TAFA2: variants seen among roughly 807,000 people sequenced by gnomAD.
TAFA2 encodes TAFA chemokine like family member 2, also known as chemokine-like protein TAFA-2.
Under a neutral mutation model 18.8 loss-of-function variants are expected in TAFA2, and 7 were observed. The observed-to-expected ratio is 0.37, with a 90% CI of 0.21 to 0.70. TAFA2 has a LOEUF of 0.70. Ranked by LOEUF, TAFA2 falls within the 30% of genes least tolerant of loss-of-function variation. TAFA2 has a pLI of 0.53. For synonymous variants in TAFA2, 60 were observed against 54.2 expected, an observed-to-expected ratio of 1.11 and a Z score of -0.47; for missense variants, 122 against 158.1, an observed-to-expected ratio of 0.77 and a Z score of 1.23.
At chr12:61,758,645 A>C (rs1017598701) in intron 2 of TAFA2, among the ~76,000 whole-genome samples, 1 of 152,044 alleles carries the variant, frequency 6.6e-6, no homozygotes, top group African/African-American at 2.4e-5. Flanking sequence ...ATACCTAAGA[A>C]AGAGTGAATT....
intron 1 of TAFA2, among the ~76,000 whole-genome samples, chr12:61,896,655 G>T (rs139497694): frequency 5.5e-4 from 83 of 152,214 alleles, no homozygotes; most frequent in African/African-American, 1.9e-3. Context: ...GAGCCTTTTG[G>T]CAGATGATTT....
At chr12:62,081,022 G>A (rs1258851171) in intron 1 of TAFA2, among the ~76,000 whole-genome samples, 3 of 152,120 alleles carry the variant, frequency 2.0e-5, no homozygotes, top group Admixed American at 6.6e-5. Flanking sequence ...GTGAAACCCT[G>A]TCTCTACGAA....
At chr12:62,055,691 T>A (rs1454256667) in intron 1 of TAFA2, among the ~76,000 whole-genome samples, 1 of 152,166 alleles carries the variant, frequency 6.6e-6, no homozygotes, top group African/African-American at 2.4e-5. Flanking sequence ...AAAGTTCAGG[T>A]TATAACCTTT....
chr12:62,123,852 C>A (rs775752250), intron 1 of TAFA2, among the ~76,000 whole-genome samples: 2 of 149,954 alleles, frequency 1.3e-5, no homozygotes, highest in Non-Finnish European at 3.0e-5. Flanking sequence ...CCATCAAAAT[C>A]GCTCCTGAGA....
chr12:62,040,775 T>C (rs570851106), intron 1 of TAFA2, among the ~76,000 whole-genome samples: 109 of 152,168 alleles, frequency 7.2e-4, no homozygotes, highest in African/African-American at 2.6e-3. Flanking sequence ...CGAATGACAC[T>C]AAGAGGCCAT....
intron 1 of TAFA2, among the ~76,000 whole-genome samples, chr12:62,069,277 CAG>C (rs1192119335): frequency 6.6e-6 from 1 of 152,118 alleles, no homozygotes; most frequent in African/African-American, 2.4e-5. Flanking sequence ...AGAATCAAAA[CAG>C]AGGTTTCTTT....
intron 2 of TAFA2, among the ~76,000 whole-genome samples, chr12:61,775,386 T>A (rs1010901286): frequency 5.9e-5 from 9 of 151,784 alleles, no homozygotes; most frequent in African/African-American, 2.2e-4. Flanking sequence ...TTGCCAAGAC[T>A]TGGCAGCAAA....
intron 1 of TAFA2, among the ~76,000 whole-genome samples, chr12:62,115,820 A>G (rs1869938888): frequency 6.6e-6 from 1 of 152,170 alleles, no homozygotes; most frequent in Non-Finnish European, 1.5e-5. Context: ...TGGCCCAAGC[A>G]GGTGATTACA....
At chr12:61,918,296 TC>T (rs1489410258) in intron 1 of TAFA2, among the ~76,000 whole-genome samples, 6 of 152,066 alleles carry the variant, frequency 3.9e-5, no homozygotes, top group Non-Finnish European at 7.4e-5. Flanking sequence ...TCCCCCCTTT[TC>T]CCCACCCGCA....
intron 2 of TAFA2, among the ~76,000 whole-genome samples, chr12:61,802,951 G>A (rs1374361498): frequency 6.6e-6 from 1 of 152,042 alleles, no homozygotes; most frequent in Non-Finnish European, 1.5e-5. Flanking sequence ...TATTTTTAGT[G>A]TCAGAGAGCT....
chr12:61,775,064 A>G (rs1870198230), intron 2 of TAFA2, among the ~76,000 whole-genome samples: 1 of 151,824 alleles, frequency 6.6e-6, no homozygotes, highest in African/African-American at 2.4e-5. Flanking sequence ...AAGCCTGTGA[A>G]AAGATGCTCC....
intron 1 of TAFA2, among the ~76,000 whole-genome samples, chr12:61,967,070 TAAG>T (rs1372864549): frequency 6.6e-6 from 1 of 151,874 alleles, no homozygotes; most frequent in Non-Finnish European, 1.5e-5. Context: ...AAATTAAAGG[TAAG>T]AAGTGATGAG....
intron 1 of TAFA2, among the ~76,000 whole-genome samples, chr12:62,042,188 G>C (rs17706308): frequency 0.1 from 15,227 of 151,908 alleles, 981 homozygotes; most frequent in Non-Finnish European, 0.14. Flanking sequence ...CCATTCCCAA[G>C]CTCTCTTATC....
intron 2 of TAFA2, among the ~76,000 whole-genome samples, chr12:61,858,756 A>G (rs950308609): frequency 6.6e-6 from 1 of 152,226 alleles, no homozygotes; most frequent in Non-Finnish European, 1.5e-5. Flanking sequence ...ACTTCTAAAA[A>G]TATATCCTGG....
chr12:61,851,514 C>T (rs1007670335), intron 2 of TAFA2, among the ~76,000 whole-genome samples: 2 of 151,954 alleles, frequency 1.3e-5, no homozygotes, highest in Non-Finnish European at 2.9e-5. Context: ...CGGTGGCTCA[C>T]GCCTGCAATC....
At chr12:62,159,138 T>C (rs1358706) in intron 1 of TAFA2, among the ~76,000 whole-genome samples, 144,842 of 152,278 alleles carry the variant, frequency 0.95, 69,306 homozygotes, top group South Asian at 1. Flanking sequence ...CTTCTGTTTC[T>C]GTAAATGCGT....
At chr12:61,894,327 A>G (rs1875752296) in intron 1 of TAFA2, among the ~76,000 whole-genome samples, 1 of 152,204 alleles carries the variant, frequency 6.6e-6, no homozygotes, top group African/African-American at 2.4e-5. Context: ...TAATACTGCC[A>G]AACTCCAGAG....
intron 1 of TAFA2, among the ~76,000 whole-genome samples, chr12:62,048,328 T>G (rs1434898321): frequency 6.6e-6 from 1 of 152,148 alleles, no homozygotes; most frequent in African/African-American, 2.4e-5. Flanking sequence ...GGGAAGAGCC[T>G]CTTATAAAAC....
chr12:62,070,562 C>T (rs1474370403), intron 1 of TAFA2: 2 of 152,132 alleles, frequency 1.3e-5, no homozygotes, highest in Non-Finnish European at 2.9e-5. Context: ...TAGGGCTACA[C>T]CTAGAGTAAA....
Sources: allele counts gnomAD v4.1 joint callset (sites outside exome capture counted in the v4.1 genomes callset), GRCh38; gene constraint gnomAD v4.1.1; transcripts MANE v1.5; gene names NCBI Gene and HGNC (gene_info 2026-07-23, HGNC 2026-07-21).